Variants in TRAPPC9 observed in about 807,000 individuals in gnomAD.
TRAPPC9 encodes the protein trafficking protein particle complex subunit 9, also known as IKK2 binding protein.
Under a neutral mutation model 124.0 loss-of-function variants are expected in TRAPPC9, and 83 were observed. The observed-to-expected ratio is 0.67, with a 90% CI of 0.56 to 0.80. TRAPPC9 has a LOEUF of 0.80. TRAPPC9 is among the 30% of genes least tolerant of loss of function. The probability of loss-of-function intolerance (pLI) is 0.00; values close to 1 mark genes in which losing one functional copy is unlikely to be tolerated. For synonymous variants in TRAPPC9, 638 were observed against 617.5 expected (o/e 1.03, Z -0.49); for missense variants, 1,302 against 1,508.3 (o/e 0.86, Z 2.27).
At chr8:139,957,255 G>A (rs886667903) in intron 19 of TRAPPC9, among the ~76,000 whole-genome samples, 16 of 152,346 alleles carry the variant, frequency 1.1e-4, no homozygotes, top group East Asian at 9.7e-4. Flanking sequence ...AGGGAGGGCC[G>A]CGTACCTGCC....
intron 5 of TRAPPC9, among the ~76,000 whole-genome samples, chr8:140,414,360 C>T (rs1389884421): frequency 6.6e-6 from 1 of 152,048 alleles, no homozygotes; most frequent in African/African-American, 2.4e-5. Flanking sequence ...ATAGTGAGAT[C>T]CTAACTCTAC....
At chr8:140,287,322 G>A (rs778571641) in intron 13 of TRAPPC9, among the ~76,000 whole-genome samples, 2 of 152,122 alleles carry the variant, frequency 1.3e-5, no homozygotes, top group Non-Finnish European at 2.9e-5. Flanking sequence ...GCAAGAAGGA[G>A]CAGGAGGAAG....
intron 19 of TRAPPC9, among the ~76,000 whole-genome samples, chr8:139,966,850 A>G (rs1835739158): frequency 6.6e-6 from 1 of 152,240 alleles, no homozygotes; most frequent in South Asian, 2.1e-4. Context: ...ACCATTCCCG[A>G]CATACGGTTT....
chr8:139,917,349 T>A (rs1406352349), intron 19 of TRAPPC9, among the ~76,000 whole-genome samples: 1 of 151,680 alleles, frequency 6.6e-6, no homozygotes, highest in Non-Finnish European at 1.5e-5. Flanking sequence ...CCAGGCTAAT[T>A]TTTTCTATTT....
intron 19 of TRAPPC9, among the ~76,000 whole-genome samples, chr8:139,935,992 G>T (rs1254332686): frequency 6.6e-6 from 1 of 152,230 alleles, no homozygotes; most frequent in Non-Finnish European, 1.5e-5. Flanking sequence ...TGCACCATGT[G>T]GGGAGGGCCA....
intron 19 of TRAPPC9, among the ~76,000 whole-genome samples, chr8:139,919,171 C>T (rs375335611): frequency 1.3e-5 from 2 of 152,246 alleles, no homozygotes; most frequent in Non-Finnish European, 2.9e-5. Flanking sequence ...CGAGGAAGGG[C>T]ATGGGCTTGC....
intron 21 of TRAPPC9, among the ~76,000 whole-genome samples, chr8:139,875,949 G>C (rs903835236): frequency 6.6e-6 from 1 of 151,962 alleles, no homozygotes. Flanking sequence ...AAGCCCAGCT[G>C]CCAGGGTGGC....
chr8:140,076,743 A>G (rs57318568), intron 17 of TRAPPC9, among the ~76,000 whole-genome samples: 2,923 of 152,338 alleles, frequency 0.019, 87 homozygotes, highest in African/African-American at 0.066. Context: ...GGCCACATCC[A>G]AGCTGCTATG....
At chr8:139,738,708 T>C (rs980541694) in intron 21 of TRAPPC9, among the ~76,000 whole-genome samples, 2 of 152,148 alleles carry the variant, frequency 1.3e-5, no homozygotes, top group African/African-American at 4.8e-5. Context: ...TGAGAGCAGC[T>C]GGTGAGCCCA....
chr8:139,737,419 C>T (rs905459310), intron 21 of TRAPPC9, among the ~76,000 whole-genome samples: 2 of 150,812 alleles, frequency 1.3e-5, no homozygotes, highest in African/African-American at 4.9e-5. Context: ...CTCCTCACCA[C>T]CCCGCAGAGC....
intron 17 of TRAPPC9, among the ~76,000 whole-genome samples, chr8:140,049,474 C>T (rs758992046): frequency 2.6e-5 from 4 of 152,004 alleles, no homozygotes; most frequent in Non-Finnish European, 5.9e-5. Flanking sequence ...GTGGACACTG[C>T]GGGAAGAGCC....
intron 17 of TRAPPC9, among the ~76,000 whole-genome samples, chr8:140,103,341 G>A (rs1016875320): frequency 3.2e-4 from 48 of 152,304 alleles, no homozygotes; most frequent in African/African-American, 1.1e-3. Flanking sequence ...CCACCTCGGA[G>A]AATTGTGAAG....
At chr8:139,935,832 A>AT (rs1833478218) in intron 19 of TRAPPC9, among the ~76,000 whole-genome samples, 1 of 152,168 alleles carries the variant, frequency 6.6e-6, no homozygotes, top group Non-Finnish European at 1.5e-5. Context: ...CAATCACCTC[A>AT]TTTCATCCAT....
intron 21 of TRAPPC9, among the ~76,000 whole-genome samples, chr8:139,842,586 G>A (rs1433529374): frequency 1.0e-4 from 15 of 149,912 alleles, no homozygotes; most frequent in African/African-American, 3.7e-4. Flanking sequence ...ATCCGCTCTC[G>A]CCTTCGTGCC....
At chr8:140,173,405 T>C (rs2062003585) in intron 17 of TRAPPC9, among the ~76,000 whole-genome samples, 1 of 151,830 alleles carries the variant, frequency 6.6e-6, no homozygotes, top group Admixed American at 6.6e-5. Flanking sequence ...ATACAAGAAA[T>C]TAGCCAGGCT....
chr8:140,321,391 TCAAAAGCAGAGTTGCTG>T (rs573489177), intron 9 of TRAPPC9, among the ~76,000 whole-genome samples: 5 of 152,310 alleles, frequency 3.3e-5, no homozygotes, highest in African/African-American at 1.2e-4. Flanking sequence ...CAAGACTGCC[TCAAAAGCAGAGTTGCTG>T]TTCAACTCTA....
chr8:139,909,955 C>G (rs972588294), intron 20 of TRAPPC9, among the ~76,000 whole-genome samples, 192 bp downstream of exon 20: 1 of 152,246 alleles, frequency 6.6e-6, no homozygotes, highest in Admixed American at 6.5e-5. Context: ...ATCAATACTG[C>G]TCCGAGTGGG....
rs145368748 is a variant in TRAPPC9 at position 139,970,772 on chromosome 8, C to T, written c.2810+17954G>A. 3.3e-3 allele frequency among the ~76,000 whole-genome samples: 505 copies of T among 152,262 alleles called. 1 individual carries two copies. Among genetic ancestry groups the T allele is most frequent in the African/African-American group, 0.011 (444 of 41,562 alleles). ...CAGGGCTGTGGCAGGGGTAGAGTCACGTGCCAGGCCTGCAATGCGCAGCCC... is the reference window on the plus strand; with the variant it reads ...CAGGGCTGTGGCAGGGGTAGAGTCATGTGCCAGGCCTGCAATGCGCAGCCC... On this transcript the variant is annotated intron_variant, in intron 19 of 22. Transcript: ENST00000438773.
At chr8:140,305,429 T>C (rs1360088773) in intron 10 of TRAPPC9, among the ~76,000 whole-genome samples, 1 of 152,132 alleles carries the variant, frequency 6.6e-6, no homozygotes, top group East Asian at 1.9e-4. Flanking sequence ...GCCACCCAAG[T>C]AGCTGGGACT....
Sources: allele counts gnomAD v4.1 joint callset (sites outside exome capture counted in the v4.1 genomes callset), GRCh38; gene constraint gnomAD v4.1.1; transcripts MANE v1.5; gene names NCBI Gene and HGNC (gene_info 2026-07-23, HGNC 2026-07-21).